Variants in CDH7 observed in about 807,000 individuals in gnomAD.
CDH7 encodes the protein cadherin 7.
A neutral mutation model predicts 71.8 loss-of-function variants in CDH7; 25 were observed. That is an observed-to-expected ratio of 0.35 (90% CI 0.25 to 0.49). The LOEUF is 0.49. CDH7 is among the 20% of genes least tolerant of loss of function. The probability of loss-of-function intolerance (pLI) is 0.99; values close to 1 mark genes in which losing one functional copy is unlikely to be tolerated. For missense variants in CDH7, 862 were observed against 974.6 expected, an observed-to-expected ratio of 0.88 and a Z score of 1.54; for synonymous variants, 381 against 363.8, an observed-to-expected ratio of 1.05 and a Z score of -0.54.
Position 65,862,647 on chromosome 18 carries a change from T to G in CDH7, c.1613-19T>G. ...TCCATCAGAAATCTGGTGTTATACA[T>G]TTGCTTTCGTTATCCTAGACAACAC... On this transcript the variant is annotated intron_variant, in intron 10 of 11. Coordinates refer to ENST00000397968, the MANE Select transcript of CDH7 (RefSeq NM_004361.5). The G allele has an allele frequency of 6.2e-7, 1 of 1,610,930 alleles. No individual in the cohort carries two copies. Among genetic ancestry groups the G allele is most frequent in the South Asian group, 1.1e-5 (1 of 90,876 alleles).
chr18:65,781,179 A>G (rs1910171320), intron 2 of CDH7, among the ~76,000 whole-genome samples: 1 of 152,166 alleles, frequency 6.6e-6, no homozygotes, highest in South Asian at 2.1e-4. Context: ...TCTCATAGCT[A>G]CATCATTGCC....
intron 2 of CDH7, among the ~76,000 whole-genome samples, chr18:65,795,833 T>C (rs1274215993): frequency 6.6e-6 from 1 of 151,874 alleles, no homozygotes; most frequent in African/African-American, 2.4e-5. Flanking sequence ...CAGTGGGAGG[T>C]AATTGAATCA....
chr18:65,785,195 T>C (rs1430808806), intron 2 of CDH7, among the ~76,000 whole-genome samples: 1 of 152,022 alleles, frequency 6.6e-6, no homozygotes, highest in Admixed American at 6.6e-5. Flanking sequence ...TAGAGAACCA[T>C]GACTTGTCTA....
chr18:65,867,725 C>T (rs1020606093), intron 11 of CDH7, among the ~76,000 whole-genome samples: 22 of 152,154 alleles, frequency 1.4e-4, no homozygotes, highest in African/African-American at 5.1e-4. Context: ...ACTTGGACTT[C>T]CAGGGCCCAG....
intron 11 of CDH7, among the ~76,000 whole-genome samples, chr18:65,872,807 ATT>A (rs1247902096): frequency 1.3e-5 from 2 of 152,076 alleles, no homozygotes; most frequent in Non-Finnish European, 2.9e-5. Flanking sequence ...AGGCAGGAGG[ATT>A]GCTTGAGCCT....
chr18:65,791,634 A>G (rs899591676), intron 2 of CDH7, among the ~76,000 whole-genome samples: 9 of 152,220 alleles, frequency 5.9e-5, no homozygotes, highest in African/African-American at 1.9e-4. Flanking sequence ...GAACTAGTCC[A>G]ATAATGTTAC....
In CDH7 at chr18:65,824,748, AAGATTGTGG is replaced by A. The variant is rs1214753137; in HGVS notation, c.900_908del (p.Lys300_Asp303delinsAsn). On this transcript the variant is annotated inframe_deletion, in exon 6 of 12. Coordinates refer to ENST00000397968, the MANE Select transcript of CDH7 (RefSeq NM_004361.5). ...TGGAGCTAATGCTGAAATGGAGTAC[AAGATTGTGG>A]ATGGTGATGGTTTGGGCATTTTTAA... 1 of 1,612,676 alleles carries A rather than the reference AAGATTGTGG, an allele frequency of 6.2e-7. No individual in the cohort carries two copies. Among genetic ancestry groups the A allele is most frequent in the African/African-American group, 1.3e-5 (1 of 74,864 alleles).
intron 11 of CDH7, among the ~76,000 whole-genome samples, chr18:65,873,411 G>T (rs1232835846): frequency 2.0e-5 from 3 of 152,116 alleles, no homozygotes; most frequent in Non-Finnish European, 2.9e-5. Flanking sequence ...TATGTAATTT[G>T]AAATTTTCAC....
At chr18:65,864,210 T>C (rs544037906) in intron 11 of CDH7, 19 of 152,246 alleles carry the variant, frequency 1.2e-4, no homozygotes, top group Middle Eastern at 3.4e-3. Context: ...GGATTAAAGT[T>C]TGAAAAAGGT....
At chr18:65,801,855 T>C (rs1911136455) in intron 2 of CDH7, among the ~76,000 whole-genome samples, 1 of 152,248 alleles carries the variant, frequency 6.6e-6, no homozygotes, top group Non-Finnish European at 1.5e-5. Flanking sequence ...TTCCATTGCT[T>C]TAGCTGTTAT....
At chr18:65,808,304 T>C (rs1220291622) in intron 2 of CDH7, among the ~76,000 whole-genome samples, 1 of 152,226 alleles carries the variant, frequency 6.6e-6, no homozygotes, top group Admixed American at 6.5e-5. Context: ...TATTTCACCC[T>C]TTGTATTATA....
Position 65,890,050 on chromosome 18 carries a change from C to T in CDH7, c.*9156C>T, listed in dbSNP as rs1223378913. The stretch of plus-strand genomic sequence containing the variant: ...CCTCCTGCCTCTGCCTCCTTAAATA[C>T]TGGAATTACAGGTGTGAGTCACCAT... On this transcript the variant is annotated 3_prime_UTR_variant, in exon 12 of 12. Transcript: ENST00000397968. 6.6e-6 allele frequency: 1 copy of T among 152,054 alleles called. No homozygotes were observed. The highest frequency in any genetic ancestry group is 1.9e-4 in the East Asian group (1 of 5,180). The allele number at this position is 152,054 out of a possible 1,614,324, so 9.4% of individuals were successfully genotyped here. A position where few individuals can be genotyped will look rare whatever the true frequency, so the allele number is the denominator to read the frequency against.
At chr18:65,858,558 C>A (rs1386999326) in intron 8 of CDH7, among the ~76,000 whole-genome samples, 1 of 151,848 alleles carries the variant, frequency 6.6e-6, no homozygotes, top group Admixed American at 6.6e-5. Context: ...ACAATTTTCT[C>A]ATCAGGGACT....
intron 2 of CDH7, among the ~76,000 whole-genome samples, chr18:65,776,361 A>AACACACACACAC (rs66695422): frequency 7.2e-6 from 1 of 139,636 alleles, no homozygotes; most frequent in African/African-American, 2.7e-5. Context: ...GAAAGTACAG[A>AACACACACACAC]ACACACACAC....
intron 2 of CDH7, among the ~76,000 whole-genome samples, chr18:65,779,577 G>T (rs1910104042): frequency 2.8e-5 from 1 of 35,756 alleles, no homozygotes; most frequent in Non-Finnish European, 4.9e-5. Flanking sequence ...TCTTGCGATA[G>T]TTTACTGAGA....
chr18:65,789,540 A>G (rs1170910381), intron 2 of CDH7, among the ~76,000 whole-genome samples: 1 of 151,986 alleles, frequency 6.6e-6, no homozygotes, highest in East Asian at 1.9e-4. Flanking sequence ...TTTTAGAAAC[A>G]TCAATTCTGT....
chr18:65,810,124 G>A, intron 3 of CDH7, 126 bp downstream of exon 3: 1 of 749,694 alleles, frequency 1.3e-6, no homozygotes, highest in Non-Finnish European at 2.2e-6. Context: ...TTGATTGTCA[G>A]TTAGGGTGAG....
At chr18:65,758,444 T>C (rs1056209186) in intron 1 of CDH7, among the ~76,000 whole-genome samples, 1 of 151,726 alleles carries the variant, frequency 6.6e-6, no homozygotes, top group African/African-American at 2.4e-5. Flanking sequence ...CCTGGGAGAG[T>C]TGGTTACTGC....
chr18:65,814,483 A>G lies in CDH7; in HGVS notation c.506-2A>G. On this transcript the variant is annotated splice_acceptor_variant, in intron 3 of 11. Transcript: ENST00000397968. LOFTEE classifies it high-confidence loss of function. The stretch of plus-strand genomic sequence containing the variant: ...TTCAGTGGTTTTGGGATTGGCATCT[A>G]GGGACCTCAGTGGTACAAGTGACAG... The G allele has an allele frequency of 6.2e-7, 1 of 1,613,946 alleles. No homozygotes were observed. Among genetic ancestry groups the G allele is most frequent in the Non-Finnish European group, 8.5e-7 (1 of 1,179,902 alleles).
Sources: allele counts gnomAD v4.1 joint callset (sites outside exome capture counted in the v4.1 genomes callset), GRCh38; gene constraint gnomAD v4.1.1; transcripts MANE v1.5; gene names NCBI Gene and HGNC (gene_info 2026-07-23, HGNC 2026-07-21).